The following ALPK1 variants were observed in gnomAD, a reference collection of about 807,000 sequenced individuals.
The protein encoded by ALPK1 is alpha kinase 1, also known as alpha-protein kinase 1.
In ALPK1, 110 loss-of-function variants were observed where a neutral mutation model predicts 120.6. That is an observed-to-expected ratio of 0.91 (90% CI 0.78 to 1.07). The LOEUF is 1.07. Ranked by LOEUF, ALPK1 falls within the 50% of genes least tolerant of loss-of-function variation. ALPK1 has a pLI of 0.00. For synonymous variants in ALPK1, 582 were observed against 560.3 expected, an observed-to-expected ratio of 1.04 and a Z score of -0.55; for missense variants, 1,498 against 1,483.9, an observed-to-expected ratio of 1.01 and a Z score of -0.16.
In ALPK1 at chr4:112,418,113, CAGAT is replaced by C. The variant is rs56859403; in HGVS notation, c.476-5827_476-5824del. Reference sequence around the variant, plus strand: ...AGGTACAGCCACTATTCCCTGGACTCAGATAGAACACCTAAAAAAGAGCTCCTGG... The same window carrying C: ...AGGTACAGCCACTATTCCCTGGACTCAGAACACCTAAAAAAGAGCTCCTGG... On this transcript the variant is annotated intron_variant, in intron 5 of 15. Coordinates refer to ENST00000650871, the MANE Select transcript of ALPK1 (RefSeq NM_025144.4). Among the ~76,000 whole-genome samples the C allele has an allele frequency of 6.7e-3, 1,021 of 152,286 alleles. 9 individuals are homozygous for C. Among genetic ancestry groups the C allele is most frequent in the African/African-American group, 0.023 (962 of 41,552 alleles).
chr4:112,395,853 A>C (rs1732626936), intron 4 of ALPK1, among the ~76,000 whole-genome samples: 1 of 152,186 alleles, frequency 6.6e-6, no homozygotes, highest in Non-Finnish European at 1.5e-5. Context: ...ACAAATTCAC[A>C]TCACTCACAT....
At chr4:112,340,422 A>T (rs1185500985) in intron 2 of ALPK1, among the ~76,000 whole-genome samples, 1 of 152,258 alleles carries the variant, frequency 6.6e-6, no homozygotes, top group East Asian at 1.9e-4. Context: ...GCTTCTAAAA[A>T]AAAGTGAAGT....
In ALPK1 at chr4:112,368,770, G is replaced by A. The variant is rs570139760; in HGVS notation, c.-100-8908G>A. Among the ~76,000 whole-genome samples the A allele has an allele frequency of 7.0e-4, 107 of 152,298 alleles. 1 individual carries two copies. The highest frequency in any genetic ancestry group is 2.3e-3 in the African/African-American group (97 of 41,578). ...GTTTTGCCACAGACAATTTTCCTGG[G>A]AGGTGAGGGGAGAGGATGAGGATTT... is the stretch of plus-strand genomic sequence containing the variant. On this transcript the variant is annotated intron_variant, in intron 2 of 15. Coordinates refer to ENST00000650871, the MANE Select transcript of ALPK1 (RefSeq NM_025144.4).
At chr4:112,311,967 CAG>C (rs969241836) in intron 1 of ALPK1, among the ~76,000 whole-genome samples, 2 of 150,514 alleles carry the variant, frequency 1.3e-5, no homozygotes, top group Non-Finnish European at 2.9e-5. Flanking sequence ...AAAATACACA[CAG>C]GGGGTCACAG....
At position 112,357,761 on chromosome 4, in the gene ALPK1, T is replaced by A. The variant is rs573585551; in HGVS notation, c.-100-19917T>A. On this transcript the variant is annotated intron_variant, in intron 2 of 15. Coordinates refer to ENST00000650871, the MANE Select transcript of ALPK1 (RefSeq NM_025144.4). ...TCTTTGGGGAAGGCTCTGGGCAACATCGCCCGCATGGTGCCCTATGGGCTC... is the reference window on the plus strand; with the variant it reads ...TCTTTGGGGAAGGCTCTGGGCAACAACGCCCGCATGGTGCCCTATGGGCTC... 2.3e-3 allele frequency: 2,783 copies of A among 1,189,622 alleles called. 29 individuals are homozygous for A. The highest frequency in any genetic ancestry group is 5.2e-3 in the Middle Eastern group (27 of 5,200). 73.7% of individuals were successfully genotyped at this position (1,189,622 alleles called of 1,614,324 possible).
chr4:112,423,915 T>G, intron 5 of ALPK1, 29 bp from the exon 6 acceptor site: 2 of 1,613,074 alleles, frequency 1.2e-6, no homozygotes, highest in Non-Finnish European at 1.7e-6. Context: ...TCAAAGCTAA[T>G]TGTGTGGCAT....
At position 112,411,862 on chromosome 4, in the gene ALPK1, T is replaced by C. The variant is rs747284395; in HGVS notation, c.312T>C (p.Cys104=). 11 of 1,613,842 alleles carry C rather than the reference T, an allele frequency of 6.8e-6. No homozygotes were observed. The highest frequency in any genetic ancestry group is 1.7e-6 in the Non-Finnish European group (2 of 1,179,914). ...GGGCCTCCATCCTCGCTCGGGACTG[T>C]GCGGCTGCGGCGGCTATTGTGTTCT... ...SLRASILARD[C]AAAAAIVFLV... Residue 104 remains cysteine (C), a synonymous_variant, in exon 5 of 16, where the codon TGT becomes TGC. Transcript: ENST00000650871.
chr4:112,432,914 G>A (rs1734639066), intron 11 of ALPK1, among the ~76,000 whole-genome samples: 1 of 152,166 alleles, frequency 6.6e-6, no homozygotes, highest in Non-Finnish European at 1.5e-5. Context: ...CATCCACTCA[G>A]CATCTATCTT....
Position 112,429,492 on chromosome 4 carries a change from G to C in ALPK1, c.900+239G>C, listed in dbSNP as rs181231164. Among the ~76,000 whole-genome samples the C allele has an allele frequency of 1.5e-3, 223 of 152,184 alleles. 1 individual carries two copies. Among genetic ancestry groups the C allele is most frequent in the African/African-American group, 5.1e-3 (210 of 41,504 alleles). On this transcript the variant is annotated intron_variant, in intron 10 of 15. Coordinates refer to ENST00000650871, the MANE Select transcript of ALPK1 (RefSeq NM_025144.4). The stretch of plus-strand genomic sequence containing the variant: ...GATTGTTGTCTGTTGTGAAGCAATG[G>C]TTCCCAAGCCTGAGTGCACATCAAA...
chr4:112,299,709 G>C (rs1727703750), intron 1 of ALPK1, among the ~76,000 whole-genome samples: 2 of 152,104 alleles, frequency 1.3e-5, no homozygotes, highest in Admixed American at 6.6e-5. Flanking sequence ...CCTAAGTATA[G>C]ATGTACAAAG....
At position 112,336,059 on chromosome 4, in the gene ALPK1, C is replaced by T. The variant is rs1033479130; in HGVS notation, c.-101+20207C>T. 5.9e-5 allele frequency among the ~76,000 whole-genome samples: 9 copies of T among 152,162 alleles called. No individual in the cohort carries two copies. The East Asian group carries it at 1.3e-3, about 23-fold the overall frequency. Reference sequence around the variant, plus strand: ...CTTGGCTGGAGTCTACCTCTCAAAACGATTAAATCTACTTTTGTTTACTGC... The same window carrying T: ...CTTGGCTGGAGTCTACCTCTCAAAATGATTAAATCTACTTTTGTTTACTGC... On this transcript the variant is annotated intron_variant, in intron 2 of 15. Transcript: ENST00000650871.
chr4:112,348,373 A>C (rs367658854), intron 2 of ALPK1, among the ~76,000 whole-genome samples: 1 of 152,274 alleles, frequency 6.6e-6, no homozygotes, highest in Admixed American at 6.5e-5. Context: ...TGTGCTTTGC[A>C]CAAGCCATGA....
intron 2 of ALPK1, among the ~76,000 whole-genome samples, chr4:112,360,387 T>C (rs1730861397): frequency 6.6e-6 from 1 of 152,212 alleles, no homozygotes; most frequent in Non-Finnish European, 1.5e-5. Flanking sequence ...GCCATGAATA[T>C]GGAAGTGCAG....
At chr4:112,359,263 C>A in intron 2 of ALPK1, 1 of 518,908 alleles carries the variant, frequency 1.9e-6, no homozygotes, top group Non-Finnish European at 3.5e-6. Flanking sequence ...GGCCAGCATG[C>A]CATGAGCGCC....
chr4:112,349,698 C>T (rs910468404), intron 2 of ALPK1, among the ~76,000 whole-genome samples: 7 of 151,968 alleles, frequency 4.6e-5, no homozygotes, highest in African/African-American at 1.5e-4. Context: ...GGACTACAGG[C>T]GTGTACCACC....
At chr4:112,337,523 C>A (rs900144250) in intron 2 of ALPK1, among the ~76,000 whole-genome samples, 1 of 152,136 alleles carries the variant, frequency 6.6e-6, no homozygotes, top group East Asian at 1.9e-4. Flanking sequence ...AGTGAGACTC[C>A]ATCTCTACAA....
intron 5 of ALPK1, among the ~76,000 whole-genome samples, chr4:112,415,942 C>T (rs1215181947): frequency 6.6e-6 from 1 of 152,100 alleles, no homozygotes; most frequent in East Asian, 1.9e-4. Context: ...AAAATGCAAG[C>T]TTAATGTATT....
At chr4:112,361,188 G>C (rs1730894694) in intron 2 of ALPK1, among the ~76,000 whole-genome samples, 2 of 152,204 alleles carry the variant, frequency 1.3e-5, no homozygotes, top group Non-Finnish European at 2.9e-5. Flanking sequence ...AACATACCAG[G>C]AAAGCCGAGA....
At chr4:112,373,332 G>A (rs1731501919) in intron 2 of ALPK1, among the ~76,000 whole-genome samples, 1 of 152,152 alleles carries the variant, frequency 6.6e-6, no homozygotes, top group Admixed American at 6.5e-5. Flanking sequence ...AGCAGTATGA[G>A]GATAAAATTC....
Sources: allele counts gnomAD v4.1 joint callset (sites outside exome capture counted in the v4.1 genomes callset), GRCh38; gene constraint gnomAD v4.1.1; transcripts MANE v1.5; gene names NCBI Gene and HGNC (gene_info 2026-07-23, HGNC 2026-07-21).